PALD1: variants seen among roughly 807,000 people sequenced by gnomAD.
The protein encoded by PALD1 is phosphatase domain containing paladin 1, also known as paladin.
Under a neutral mutation model 96.0 loss-of-function variants are expected in PALD1, and 57 were observed. The ratio of observed to expected loss-of-function variants is 0.59; its 90% CI spans 0.48 to 0.74. The LOEUF (loss-of-function observed/expected upper bound fraction) is 0.74, where lower values mean the gene tolerates loss of function less well. Among genes scored for constraint, PALD1 ranks in the 30% least tolerant of loss-of-function variants. The pLI is 0.00. For synonymous variants in PALD1, 464 were observed against 473.6 expected, an observed-to-expected ratio of 0.98 and a Z score of 0.26; for missense variants, 1,063 against 1,143.7, an observed-to-expected ratio of 0.93 and a Z score of 1.02.
intron 1 of PALD1, among the ~76,000 whole-genome samples, chr10:70,506,108 C>T (rs967364838): frequency 1.3e-5 from 2 of 152,184 alleles, no homozygotes; most frequent in Non-Finnish European, 2.9e-5. Flanking sequence ...CTTACATGCA[C>T]TTCCCGTTTT....
intron 1 of PALD1, among the ~76,000 whole-genome samples, chr10:70,517,268 G>A (rs775553941): frequency 3.5e-4 from 53 of 152,030 alleles, no homozygotes; most frequent in Non-Finnish European, 7.5e-4. Flanking sequence ...GACAAAGGAT[G>A]GGGACACCTC....
chr10:70,497,397 C>T (rs914607753), intron 1 of PALD1, among the ~76,000 whole-genome samples: 1 of 152,184 alleles, frequency 6.6e-6, no homozygotes, highest in Non-Finnish European at 1.5e-5. Context: ...CCGCCAACTC[C>T]CTGACCCGAG....
In PALD1 at chr10:70,539,133, G is replaced by A. The variant is rs1055130835; in HGVS notation, c.1611G>A (p.Arg537=). 1 of 1,613,844 alleles carries A rather than the reference G, an allele frequency of 6.2e-7. No homozygotes were observed. The highest frequency in any genetic ancestry group is 1.7e-5 in the Admixed American group (1 of 59,980). Residue 537 remains arginine, a synonymous_variant, in exon 14 of 20, where the codon AGG becomes AGA. Coordinates refer to ENST00000263563, the MANE Select transcript of PALD1 (RefSeq NM_014431.3). This position sits in a 1 kb window ranked among gnomAD's most constrained non-coding sequence, Gnocchi z 4.5. Reference sequence around the variant, plus strand: ...TGGCCTACCTGACGGACGCCAAGAGGAGGCTGCGGAAGGTTGTCTGGGTGA... The same window carrying A: ...TGGCCTACCTGACGGACGCCAAGAGAAGGCTGCGGAAGGTTGTCTGGGTGA... ...SILAYLTDAK[R]RLRKVVWVSL...
the PALD1 span, among the ~76,000 whole-genome samples, chr10:70,461,394 T>C: frequency 5.9e-5 from 9 of 152,254 alleles, no homozygotes; most frequent in Non-Finnish European, 1.3e-4. Flanking sequence ...TATGGGTTAA[T>C]GTCTGCCACC....
chr10:70,550,221 GGT>G (rs1370374715), intron 18 of PALD1, among the ~76,000 whole-genome samples: 1 of 152,182 alleles, frequency 6.6e-6, no homozygotes, highest in African/African-American at 2.4e-5. Flanking sequence ...AGTTGGTAGG[GGT>G]GTCTTGGCCA....
chr10:70,539,092 G>A lies in PALD1; in HGVS notation c.1570G>A (p.Ala524Thr), dbSNP rs1363686890. The part of the protein sequence containing the change: ...IYGTAQPSAK[A>T]LGSILAYLTD... ...TCACTGCCGGCCCTCCTGTGCCCAGGCCCTGGGGAGCATCCTGGCCTACCT... is the reference window on the plus strand; with the variant it reads ...TCACTGCCGGCCCTCCTGTGCCCAGACCCTGGGGAGCATCCTGGCCTACCT... The change falls in exon 14 of 20, where the codon GCC (alanine) becomes ACC (threonine). Residue 524 changes from alanine (A) to threonine (T), a missense_variant and splice_region_variant. Coordinates refer to ENST00000263563, the MANE Select transcript of PALD1 (RefSeq NM_014431.3). This position sits in a 1 kb window ranked among gnomAD's most constrained non-coding sequence, Gnocchi z 4.5. The A allele has an allele frequency of 6.2e-7, 1 of 1,613,882 alleles. No individual in the cohort carries two copies. The highest frequency in any genetic ancestry group is 1.7e-5 in the Admixed American group (1 of 60,002).
intron 1 of PALD1, among the ~76,000 whole-genome samples, chr10:70,481,211 G>A (rs1474652416): frequency 6.6e-6 from 1 of 152,186 alleles, no homozygotes; most frequent in African/African-American, 2.4e-5. Context: ...AGCTCCTGGG[G>A]GGCACAGACA....
In PALD1 at chr10:70,534,852, T is replaced by C. The variant is rs368925013; in HGVS notation, c.1227+9T>C. 37 of 1,564,156 alleles carry C rather than the reference T, an allele frequency of 2.4e-5. No individual in the cohort carries two copies. The highest frequency in any genetic ancestry group is 3.3e-5 in the Non-Finnish European group (37 of 1,137,534). ...CGGAGAGCCCAGCCCAGGTGAGGCATGGAAGGACGTGTGAGCACTCTGCTT... is the reference window on the plus strand; with the variant it reads ...CGGAGAGCCCAGCCCAGGTGAGGCACGGAAGGACGTGTGAGCACTCTGCTT... On this transcript the variant is annotated intron_variant, in intron 10 of 19. Coordinates refer to ENST00000263563, the MANE Select transcript of PALD1 (RefSeq NM_014431.3).
chr10:70,485,960 G>T, intron 1 of PALD1: 1 of 186,428 alleles, frequency 5.4e-6, no homozygotes, highest in East Asian at 1.3e-4. Flanking sequence ...GTTTTCTCAT[G>T]GCAGAGTTAT....
chr10:70,550,431 G>A (rs771480699), intron 18 of PALD1, among the ~76,000 whole-genome samples: 16 of 152,162 alleles, frequency 1.1e-4, no homozygotes, highest in Non-Finnish European at 2.1e-4. Context: ...ACTCCCAGAT[G>A]ATACTGATGC....
intron 1 of PALD1, among the ~76,000 whole-genome samples, chr10:70,507,674 G>C (rs1846417910): frequency 1.3e-5 from 2 of 152,018 alleles, no homozygotes; most frequent in Admixed American, 1.3e-4. Context: ...CGCCAGCCTT[G>C]GCTTCCCAAA....
At position 70,540,959 on chromosome 10, in the gene PALD1, T is replaced by C; in HGVS notation, c.1909-143T>C. 1 of 848,358 alleles carries C rather than the reference T, an allele frequency of 1.2e-6. No homozygotes were observed. The highest frequency in any genetic ancestry group is 1.8e-6 in the Non-Finnish European group (1 of 547,716). 52.6% of individuals were successfully genotyped at this position (848,358 alleles called of 1,614,324 possible). On this transcript the variant is annotated intron_variant, in intron 15 of 19. Coordinates refer to ENST00000263563, the MANE Select transcript of PALD1 (RefSeq NM_014431.3). This position sits in a 1 kb window ranked among gnomAD's most constrained non-coding sequence, Gnocchi z 4.2. ...ACATGGTCTCATGCACCCCGGTGAGTTTTGTTTGTGTGTGCAAGCTTGGGA... is the reference window on the plus strand; with the variant it reads ...ACATGGTCTCATGCACCCCGGTGAGCTTTGTTTGTGTGTGCAAGCTTGGGA...
rs1209955446 is a variant in PALD1, at chr10:70,487,807, C to T, written c.-30+8748C>T. ...AATGTCGGTAAAAGTCCTGGGCATG[C>T]AGCCAACTCCTAGACAAGTCTGACA... On this transcript the variant is annotated intron_variant, in intron 1 of 19. Coordinates refer to ENST00000263563, the MANE Select transcript of PALD1 (RefSeq NM_014431.3). Among the ~76,000 whole-genome samples, 3 of 152,220 alleles carry T rather than the reference C, an allele frequency of 2.0e-5. No individual in the cohort carries two copies. The East Asian group carries it at 5.8e-4, about 29-fold the overall frequency.
chr10:70,484,932 C>T (rs1053779977), intron 1 of PALD1, among the ~76,000 whole-genome samples: 1 of 152,212 alleles, frequency 6.6e-6, no homozygotes, highest in African/African-American at 2.4e-5. Flanking sequence ...TCCCCCATTC[C>T]AATATGCACA....
the PALD1 span, among the ~76,000 whole-genome samples, chr10:70,458,773 C>T: frequency 6.6e-6 from 1 of 152,210 alleles, no homozygotes; most frequent in Non-Finnish European, 1.5e-5. Context: ...GATGTGTCCC[C>T]TCCCATCTGT....
chr10:70,544,379 A>G (rs1305085302), intron 17 of PALD1, among the ~76,000 whole-genome samples: 1 of 152,092 alleles, frequency 6.6e-6, no homozygotes, highest in Non-Finnish European at 1.5e-5. Context: ...GGAGGTTTGC[A>G]CTATGTGTTT....
chr10:70,492,141 T>C (rs1315577763), intron 1 of PALD1, among the ~76,000 whole-genome samples: 1 of 152,240 alleles, frequency 6.6e-6, no homozygotes, highest in Non-Finnish European at 1.5e-5. Flanking sequence ...GGTCATATGG[T>C]AAGTCTTTGT....
rs566167593 is a variant in PALD1 at position 70,567,850 on chromosome 10, A to G, written c.*1117A>G. On this transcript the variant is annotated 3_prime_UTR_variant, in exon 20 of 20. Coordinates refer to ENST00000263563, the MANE Select transcript of PALD1 (RefSeq NM_014431.3). The stretch of plus-strand genomic sequence containing the variant: ...TGGGAACAGGTGGCAGAGAAGTGCC[A>G]TGTTTGCGTTGAGCCTTGCAGCTCT... The G allele has an allele frequency of 6.6e-6, 1 of 152,262 alleles. No homozygotes were observed. Among genetic ancestry groups the G allele is most frequent in the Non-Finnish European group, 1.5e-5 (1 of 68,088 alleles). 9.4% of individuals were successfully genotyped at this position (152,262 alleles called of 1,614,324 possible).
At chr10:70,501,031 T>G (rs1176027828) in intron 1 of PALD1, among the ~76,000 whole-genome samples, 1 of 152,218 alleles carries the variant, frequency 6.6e-6, no homozygotes, top group Non-Finnish European at 1.5e-5. Context: ...AATGTTGGCC[T>G]GTCTTTCATC....
Sources: gnomAD v4.1 joint callset for allele counts (sites outside exome capture counted in the v4.1 genomes callset) on GRCh38, gnomAD v4.1.1 for gene constraint, Gnocchi (gnomAD v3.1) non-coding constraint, MANE v1.5 for transcripts, NCBI Gene and HGNC (gene_info 2026-07-23, HGNC 2026-07-21) for gene names.